PTPRR: variants seen among roughly 807,000 people sequenced by gnomAD.
PTPRR encodes the protein receptor-type tyrosine-protein phosphatase R.
In PTPRR, 38 loss-of-function variants were observed where a neutral mutation model predicts 77.2. The observed-to-expected ratio is 0.49, with a 90% CI of 0.38 to 0.65. PTPRR has a LOEUF of 0.65. Ranked by LOEUF, PTPRR falls within the 30% of genes least tolerant of loss-of-function variation. The probability of loss-of-function intolerance (pLI) is 0.00; values close to 1 mark genes in which losing one functional copy is unlikely to be tolerated. For synonymous variants in PTPRR, 299 were observed against 283.1 expected, an observed-to-expected ratio of 1.06 and a Z score of -0.57; for missense variants, 744 against 799.2, an observed-to-expected ratio of 0.93 and a Z score of 0.83.
chr12:70,723,117 T>A (rs12820562), intron 6 of PTPRR, among the ~76,000 whole-genome samples: 1 of 152,158 alleles, frequency 6.6e-6, no homozygotes, highest in Non-Finnish European at 1.5e-5. Flanking sequence ...GGGTGGAGCA[T>A]GAACAGCAAG....
chr12:70,871,085 G>A (rs1892950760), intron 2 of PTPRR, among the ~76,000 whole-genome samples: 1 of 152,140 alleles, frequency 6.6e-6, no homozygotes, highest in Non-Finnish European at 1.5e-5. Flanking sequence ...AACGGAGAGG[G>A]ATCTACCAGT....
At chr12:70,669,866 C>A (rs1887154349) in intron 10 of PTPRR, among the ~76,000 whole-genome samples, 1 of 152,108 alleles carries the variant, frequency 6.6e-6, no homozygotes, top group African/African-American at 2.4e-5. Context: ...TTCTGAAGTG[C>A]TGGGATTACA....
chr12:70,762,487 A>T (rs190298200), intron 3 of PTPRR, among the ~76,000 whole-genome samples: 14 of 152,362 alleles, frequency 9.2e-5, no homozygotes, highest in African/African-American at 3.1e-4. Context: ...ATGAAGTATC[A>T]GTTTACTACT....
chr12:70,733,649 T>A (rs1409238667), intron 6 of PTPRR, among the ~76,000 whole-genome samples: 1 of 152,144 alleles, frequency 6.6e-6, no homozygotes, highest in Non-Finnish European at 1.5e-5. Flanking sequence ...CATGTTTAGA[T>A]TGTACCCAGA....
chr12:70,829,399 C>A (rs574977660), intron 2 of PTPRR, among the ~76,000 whole-genome samples: 3 of 152,036 alleles, frequency 2.0e-5, no homozygotes, highest in Non-Finnish European at 4.4e-5. Flanking sequence ...GATTTCTAGG[C>A]TGGGAAAGAT....
intron 2 of PTPRR, among the ~76,000 whole-genome samples, chr12:70,811,383 T>C (rs951861435): frequency 6.6e-6 from 1 of 152,244 alleles, no homozygotes; most frequent in African/African-American, 2.4e-5. Context: ...ATTTGTAGTC[T>C]GGCTGGTTAA....
chr12:70,855,968 A>G (rs778330526), intron 2 of PTPRR, among the ~76,000 whole-genome samples: 1 of 152,166 alleles, frequency 6.6e-6, no homozygotes, highest in Non-Finnish European at 1.5e-5. Flanking sequence ...TTTAGTAAAT[A>G]GAAGAAAATT....
chr12:70,823,037 C>A (rs569854679), intron 2 of PTPRR, among the ~76,000 whole-genome samples: 1 of 151,410 alleles, frequency 6.6e-6, no homozygotes, highest in East Asian at 1.9e-4. Flanking sequence ...GTTTTGCTTT[C>A]TTTGCCTTTC....
chr12:70,806,789 C>T (rs1362263807), intron 2 of PTPRR, among the ~76,000 whole-genome samples: 1 of 152,180 alleles, frequency 6.6e-6, no homozygotes, highest in East Asian at 1.9e-4. Flanking sequence ...AGTGCTACTT[C>T]CATGATCTTA....
chr12:70,868,064 G>C (rs188652562), intron 2 of PTPRR, among the ~76,000 whole-genome samples: 16 of 152,200 alleles, frequency 1.1e-4, no homozygotes, highest in African/African-American at 3.6e-4. Flanking sequence ...TTACATGTTA[G>C]ACCTAAAACC....
At chr12:70,882,231 A>C (rs576843231) in intron 2 of PTPRR, among the ~76,000 whole-genome samples, 1 of 152,336 alleles carries the variant, frequency 6.6e-6, no homozygotes, top group East Asian at 1.9e-4. Flanking sequence ...TTAAATATTT[A>C]CACTGGCTTA....
intron 12 of PTPRR, among the ~76,000 whole-genome samples, chr12:70,658,883 GTTTT>G (rs746595856): frequency 0.016 from 602 of 36,886 alleles, no homozygotes; most frequent in African/African-American, 0.058. Context: ...TTTTGCTCTA[GTTTT>G]TTTTTTTTTT....
At chr12:70,778,435 C>T (rs1891135708) in intron 2 of PTPRR, among the ~76,000 whole-genome samples, 1 of 152,176 alleles carries the variant, frequency 6.6e-6, no homozygotes, top group Non-Finnish European at 1.5e-5. Flanking sequence ...GAGCCTATTT[C>T]AGTAATATTT....
chr12:70,686,950 G>A (rs1478516852), intron 8 of PTPRR, among the ~76,000 whole-genome samples: 1 of 152,126 alleles, frequency 6.6e-6, no homozygotes, highest in East Asian at 1.9e-4. Flanking sequence ...AGGTAATATA[G>A]GGACCAATAA....
intron 5 of PTPRR, among the ~76,000 whole-genome samples, chr12:70,750,317 T>A (rs12368123): frequency 0.026 from 3,927 of 152,288 alleles, 56 homozygotes; most frequent in Middle Eastern, 0.054. Flanking sequence ...CATGTAGGAA[T>A]GCCAATGCAA....
At chr12:70,762,415 AG>A (rs1191093823) in intron 3 of PTPRR, among the ~76,000 whole-genome samples, 1 of 152,166 alleles carries the variant, frequency 6.6e-6, no homozygotes, top group Non-Finnish European at 1.5e-5. Flanking sequence ...TGACACATGG[AG>A]AGCTCTCATG....
chr12:70,894,414 C>T (rs1249015954), intron 1 of PTPRR, among the ~76,000 whole-genome samples: 2 of 151,644 alleles, frequency 1.3e-5, no homozygotes, highest in African/African-American at 4.8e-5. Context: ...CACAGAATCA[C>T]CTCTACATCA....
chr12:70,874,322 C>G (rs1177027835), intron 2 of PTPRR, among the ~76,000 whole-genome samples: 1 of 152,058 alleles, frequency 6.6e-6, no homozygotes, highest in African/African-American at 2.4e-5. Flanking sequence ...GGCAAGGAGA[C>G]CACTGGAGTC....
intron 2 of PTPRR, among the ~76,000 whole-genome samples, chr12:70,854,404 C>T (rs1437341710): frequency 1.3e-5 from 2 of 152,210 alleles, no homozygotes; most frequent in African/African-American, 4.8e-5. Flanking sequence ...TCACTCTATG[C>T]CATGTGCCCT....
Sources: gnomAD v4.1 joint callset for allele counts (sites outside exome capture counted in the v4.1 genomes callset) on GRCh38, gnomAD v4.1.1 for gene constraint, MANE v1.5 for transcripts, NCBI Gene and HGNC (gene_info 2026-07-23, HGNC 2026-07-21) for gene names.